Variants in ARID5B observed in about 807,000 individuals in gnomAD.
The protein encoded by ARID5B is AT-rich interactive domain-containing protein 5B.
ARID5B carries 13 observed loss-of-function variants against 97.2 expected under a neutral mutation model. That is an observed-to-expected ratio of 0.13 (90% CI 0.09 to 0.21). ARID5B has a LOEUF of 0.21. Ranked by LOEUF, ARID5B falls within the 10% of genes least tolerant of loss-of-function variation. ARID5B has a pLI of 1.00. For missense variants in ARID5B, 1,210 were observed against 1,465.3 expected (o/e 0.83, Z 2.84); for synonymous variants, 556 against 570.3 (o/e 0.97, Z 0.36).
chr10:61,995,283 A>G (rs1238347072), intron 3 of ARID5B, among the ~76,000 whole-genome samples: 2 of 152,204 alleles, frequency 1.3e-5, no homozygotes, highest in African/African-American at 2.4e-5. Flanking sequence ...GGGTGAAAAT[A>G]TCTTACACAG....
At chr10:61,960,574 G>A (rs566480566) in intron 3 of ARID5B, among the ~76,000 whole-genome samples, 3 of 151,700 alleles carry the variant, frequency 2.0e-5, no homozygotes, top group Non-Finnish European at 4.4e-5. Context: ...TTTTAAGTAG[G>A]GAGTTCTGCA....
rs568504856 is a variant in ARID5B, at chr10:61,980,567, A to G, written c.503-19524A>G. ...ATTTGTCTCTCTTAAACAATGTTTC[A>G]CGTTAAACCAGTTGCAAATGAAATG... On this transcript the variant is annotated intron_variant, in intron 3 of 9. Transcript: ENST00000279873. Among the ~76,000 whole-genome samples the G allele has an allele frequency of 3.9e-4, 59 of 152,362 alleles. 1 individual carries two copies. The highest frequency in any genetic ancestry group is 1.5e-3 in the Admixed American group (23 of 15,296).
chr10:61,911,037 A>G (rs1390163660), intron 2 of ARID5B, among the ~76,000 whole-genome samples: 2 of 152,014 alleles, frequency 1.3e-5, no homozygotes, highest in African/African-American at 4.8e-5. Flanking sequence ...TTCTTTTCTC[A>G]TGACTCCAAG....
At chr10:62,029,852 A>T (rs763293004) in intron 4 of ARID5B, among the ~76,000 whole-genome samples, 77 of 152,268 alleles carry the variant, frequency 5.1e-4, no homozygotes, top group Non-Finnish European at 8.8e-4. Context: ...AGGAAAACAC[A>T]CTGTAAAGTG....
At chr10:61,914,046 C>G (rs1009795021) in intron 2 of ARID5B, among the ~76,000 whole-genome samples, 9 of 152,186 alleles carry the variant, frequency 5.9e-5, no homozygotes, top group African/African-American at 1.9e-4. Flanking sequence ...CTACCGCGCC[C>G]AGCCCTGGAA....
chr10:62,011,842 C>T (rs1839221393), intron 4 of ARID5B, among the ~76,000 whole-genome samples: 1 of 152,158 alleles, frequency 6.6e-6, no homozygotes, highest in Non-Finnish European at 1.5e-5. Context: ...GCACCAGCTA[C>T]TCGGCCTTTG....
Position 61,948,380 on chromosome 10 carries a change from A to ATTTTT in ARID5B, c.502+7988_502+7992dup, listed in dbSNP as rs71470784. On this transcript the variant is annotated intron_variant, in intron 3 of 9. Coordinates refer to ENST00000279873, the MANE Select transcript of ARID5B (RefSeq NM_032199.3). The stretch of plus-strand genomic sequence containing the variant: ...CTTATCTTAGGATACACTTTAGGTA[A>ATTTTT]TTTTTTTTTTTTTTTTTTTTGAGAT... Among the ~76,000 whole-genome samples, 386 of 86,166 alleles carry ATTTTT rather than the reference A, an allele frequency of 4.5e-3. 11 individuals carry two copies. The highest frequency in any genetic ancestry group is 0.016 in the African/African-American group (338 of 21,050). 56.5% of individuals were successfully genotyped at this position (86,166 alleles called of 152,430 possible).
chr10:62,082,043 C>T (rs1230827505), intron 8 of ARID5B, among the ~76,000 whole-genome samples: 1 of 151,562 alleles, frequency 6.6e-6, no homozygotes. Flanking sequence ...AAAAATCTTG[C>T]TTTTCACAGT....
At chr10:62,067,052 CTTAT>C (rs759018982) in intron 7 of ARID5B, among the ~76,000 whole-genome samples, 1 of 150,512 alleles carries the variant, frequency 6.6e-6, no homozygotes, top group Non-Finnish European at 1.5e-5. Flanking sequence ...ATAATTGAGA[CTTAT>C]TTGTGACTCG....
In ARID5B at chr10:62,000,250, A is replaced by G; in HGVS notation, c.662A>G (p.Gln221Arg). The change falls in exon 4 of 10, where the codon CAG (glutamine) becomes CGG (arginine). Residue 221 changes from glutamine to arginine, a missense_variant. Coordinates refer to ENST00000279873, the MANE Select transcript of ARID5B (RefSeq NM_032199.3). The surrounding 1 kb of genome is among the most constrained non-coding windows in gnomAD (Gnocchi z 4.4). ...ATTGCAGTGGTCAGCAGGAACCCTCAGATCCTGTACTGTCGGGACACCTTT... is the reference window on the plus strand; with the variant it reads ...ATTGCAGTGGTCAGCAGGAACCCTCGGATCCTGTACTGTCGGGACACCTTT... ...GGIAVVSRNP[Q>R]ILYCRDTFDH... 2 of 1,613,788 alleles carry G rather than the reference A, an allele frequency of 1.2e-6. No homozygotes were observed. Among genetic ancestry groups the G allele is most frequent in the South Asian group, 2.2e-5 (2 of 91,066 alleles).
At chr10:61,934,330 A>G (rs2132787882) in intron 2 of ARID5B, among the ~76,000 whole-genome samples, 1 of 152,312 alleles carries the variant, frequency 6.6e-6, no homozygotes, top group Middle Eastern at 3.4e-3. Flanking sequence ...TATCATTTGT[A>G]TGCTCACTGG....
Position 62,093,073 on chromosome 10 carries a change from G to A in ARID5B, c.*43G>A. 1 of 1,556,828 alleles carries A rather than the reference G, an allele frequency of 6.4e-7. No homozygotes were observed. Among genetic ancestry groups the A allele is most frequent in the Non-Finnish European group, 8.6e-7 (1 of 1,159,598 alleles). On this transcript the variant is annotated 3_prime_UTR_variant, in exon 10 of 10. Coordinates refer to ENST00000279873, the MANE Select transcript of ARID5B (RefSeq NM_032199.3). ...AGTCCAAAGCGGCATGGCCAACAGA[G>A]CTTCACTCCTTACCCAGGAGTGCTG... is the stretch of plus-strand genomic sequence containing the variant.
chr10:61,912,888 G>A (rs1843832879), intron 2 of ARID5B, among the ~76,000 whole-genome samples: 1 of 152,084 alleles, frequency 6.6e-6, no homozygotes, highest in Non-Finnish European at 1.5e-5. Flanking sequence ...AAACAGTTTT[G>A]ACAGAATGCT....
chr10:62,078,304 C>T (rs1431599239), intron 8 of ARID5B, among the ~76,000 whole-genome samples: 1 of 152,090 alleles, frequency 6.6e-6, no homozygotes, highest in Non-Finnish European at 1.5e-5. Flanking sequence ...CCCTGGGCAA[C>T]ATGGTGATAC....
At chr10:61,972,216 TATATC>T (rs1230863987) in intron 3 of ARID5B, among the ~76,000 whole-genome samples, 8 of 144,080 alleles carry the variant, frequency 5.6e-5, no homozygotes, top group African/African-American at 2.0e-4. Context: ...TCTCTAGTCT[TATATC>T]ATGCTTTTTT....
chr10:61,930,245 A>G (rs909256759), intron 2 of ARID5B, among the ~76,000 whole-genome samples: 2 of 152,216 alleles, frequency 1.3e-5, no homozygotes, highest in Non-Finnish European at 2.9e-5. Flanking sequence ...GAGGTGATAG[A>G]TGTTGGGTAG....
chr10:61,929,187 G>A (rs1189291168), intron 2 of ARID5B, among the ~76,000 whole-genome samples: 4 of 152,108 alleles, frequency 2.6e-5, no homozygotes, highest in African/African-American at 4.8e-5. Flanking sequence ...CTAGTATTTC[G>A]GTGTCACAAT....
chr10:62,051,130 T>C (rs776910978), intron 5 of ARID5B, 130 bp downstream of exon 5: 3 of 809,732 alleles, frequency 3.7e-6, no homozygotes, highest in Non-Finnish European at 6.3e-6. Context: ...TTCAGAGCTT[T>C]TGAAGCTCTA....
At chr10:61,962,860 A>G (rs2132823880) in intron 3 of ARID5B, among the ~76,000 whole-genome samples, 1 of 152,374 alleles carries the variant, frequency 6.6e-6, no homozygotes, top group Admixed American at 6.5e-5. Context: ...ATTGGTAATT[A>G]TGACTTACAA....
Sources: allele counts gnomAD v4.1 joint callset (sites outside exome capture counted in the v4.1 genomes callset), GRCh38; gene constraint gnomAD v4.1.1; non-coding constraint Gnocchi (gnomAD v3.1); transcripts MANE v1.5; gene names NCBI Gene and HGNC (gene_info 2026-07-23, HGNC 2026-07-21).